RAP1GAP: variants seen among roughly 807,000 people sequenced by gnomAD.
RAP1GAP encodes rap1 GTPase-activating protein 1.
In RAP1GAP, 35 loss-of-function variants were observed where a neutral mutation model predicts 87.2. The ratio of observed to expected loss-of-function variants is 0.40; its 90% CI spans 0.31 to 0.53. The LOEUF (loss-of-function observed/expected upper bound fraction) is 0.53, where lower values mean the gene tolerates loss of function less well. Ranked by LOEUF, RAP1GAP falls within the 20% of genes least tolerant of loss-of-function variation. The pLI is 0.48. For synonymous variants in RAP1GAP, 375 were observed against 363.9 expected, an observed-to-expected ratio of 1.03 and a Z score of -0.35; for missense variants, 734 against 898.9, an observed-to-expected ratio of 0.82 and a Z score of 2.35.
Position 21,645,485 on chromosome 1 carries a change from A to G in RAP1GAP, c.-113+4276T>C, listed in dbSNP as rs527512897. 1.3e-4 allele frequency among the ~76,000 whole-genome samples: 20 copies of G among 152,184 alleles called. 1 individual carries two copies. The South Asian group carries it at 2.9e-3, about 22-fold the overall frequency. On this transcript the variant is annotated intron_variant, in intron 2 of 24. Coordinates refer to ENST00000374765, the MANE Select transcript of RAP1GAP (RefSeq NM_002885.4). ...ACAGAGTGAGACCCTGTCTCAAAAA[A>G]TAAAAATAAAAATAAAAATAAAATA...
At chr1:21,625,688 GT>G (rs1212952819) in intron 3 of RAP1GAP, among the ~76,000 whole-genome samples, 1 of 152,188 alleles carries the variant, frequency 6.6e-6, no homozygotes, top group African/African-American at 2.4e-5. Flanking sequence ...AATATTAGAG[GT>G]TATTTCTGCT....
intron 2 of RAP1GAP, among the ~76,000 whole-genome samples, chr1:21,642,692 C>T (rs2095631467): frequency 6.6e-6 from 1 of 152,112 alleles, no homozygotes; most frequent in Admixed American, 6.5e-5. Context: ...CAGCGTAGCC[C>T]ACAGAAGTCC....
At chr1:21,626,018 G>A (rs1425543805) in intron 3 of RAP1GAP, among the ~76,000 whole-genome samples, 3 of 152,174 alleles carry the variant, frequency 2.0e-5, no homozygotes, top group Non-Finnish European at 2.9e-5. Context: ...GTTGATTGTG[G>A]AGATGATGAA....
chr1:21,664,595 T>C (rs1330310189), intron 1 of RAP1GAP, among the ~76,000 whole-genome samples: 1 of 152,158 alleles, frequency 6.6e-6, no homozygotes, highest in African/African-American at 2.4e-5. Flanking sequence ...ACTAACATTA[T>C]CACTTACTGA....
chr1:21,618,925 T>G, intron 5 of RAP1GAP, 100 bp downstream of exon 5: 1 of 1,348,338 alleles, frequency 7.4e-7, no homozygotes, highest in South Asian at 1.3e-5. Flanking sequence ...GACTACTTGC[T>G]GAAAGGGGAT....
intron 2 of RAP1GAP, among the ~76,000 whole-genome samples, chr1:21,637,168 G>A (rs1439612447): frequency 6.8e-6 from 1 of 146,654 alleles, no homozygotes; most frequent in Non-Finnish European, 1.5e-5. Flanking sequence ...TTTTTTGGTG[G>A]TGGTTGGGGG....
At chr1:21,650,242 CCT>C (rs2151930252) in intron 1 of RAP1GAP, among the ~76,000 whole-genome samples, 1 of 152,206 alleles carries the variant, frequency 6.6e-6, no homozygotes, top group African/African-American at 2.4e-5. Context: ...CCGTAGCCTG[CCT>C]CAATCCTGAA....
rs1173882637 is a variant in RAP1GAP at position 21,634,072 on chromosome 1, GGC to G, written c.-112-7677_-112-7676del. 2.3e-4 allele frequency among the ~76,000 whole-genome samples: 29 copies of G among 126,838 alleles called. No homozygotes were observed. The highest frequency in any genetic ancestry group is 2.7e-4 in the African/African-American group (9 of 32,842). The allele number at this position is 126,838 out of a possible 152,430, so 83.2% of individuals were successfully genotyped here. A position where few individuals can be genotyped will look rare whatever the true frequency, so the allele number is the denominator to read the frequency against. ...CTGCCCCCTCCCGGGGGGGGGGGGG[GGC>G]CACAGAAGCCCATTGTTTTCTGAGC... On this transcript the variant is annotated intron_variant, in intron 2 of 24. Transcript: ENST00000374765. The surrounding 1 kb of genome is among the most constrained non-coding windows in gnomAD (Gnocchi z 4.1).
intron 7 of RAP1GAP, among the ~76,000 whole-genome samples, chr1:21,617,027 A>G (rs1192855206): frequency 6.6e-6 from 1 of 152,260 alleles, no homozygotes; most frequent in Non-Finnish European, 1.5e-5. Context: ...TGTCCTGTGT[A>G]GTGGGTGGCA....
Position 21,613,128 on chromosome 1 carries a change from C to G in RAP1GAP, c.528+48G>C, listed in dbSNP as rs377436647. 4.9e-5 allele frequency: 74 copies of G among 1,511,716 alleles called. No homozygotes were observed. Among genetic ancestry groups the G allele is most frequent in the Middle Eastern group, 1.7e-4 (1 of 5,868 alleles). 93.6% of individuals were successfully genotyped at this position (1,511,716 alleles called of 1,614,324 possible). On this transcript the variant is annotated intron_variant, in intron 10 of 24. Coordinates refer to ENST00000374765, the MANE Select transcript of RAP1GAP (RefSeq NM_002885.4). The surrounding 1 kb of genome is among the most constrained non-coding windows in gnomAD (Gnocchi z 4.7). ...AGGTGCTTAATAAATGCTCAGTCTT[C>G]CAGTTACTCACCCACCCTCAGTGAG...
At chr1:21,644,833 G>A (rs776625976) in intron 2 of RAP1GAP, among the ~76,000 whole-genome samples, 4 of 151,012 alleles carry the variant, frequency 2.6e-5, no homozygotes, top group African/African-American at 9.8e-5. Context: ...CCACGGAGGT[G>A]GAGGTTGCAG....
chr1:21,605,568 G>A (rs1405562791), intron 18 of RAP1GAP, among the ~76,000 whole-genome samples: 2 of 151,846 alleles, frequency 1.3e-5, no homozygotes, highest in Admixed American at 1.3e-4. Flanking sequence ...GGTGCTCACA[G>A]GTACTCAGGG....
chr1:21,664,252 G>A (rs2097262722), intron 1 of RAP1GAP, among the ~76,000 whole-genome samples: 1 of 152,154 alleles, frequency 6.6e-6, no homozygotes, highest in Non-Finnish European at 1.5e-5. Context: ...TTTGCACACT[G>A]GGAGAAAATG....
chr1:21,611,398 G>T lies in RAP1GAP; in HGVS notation c.843+54C>A, dbSNP rs2078189822. 8.9e-6 allele frequency: 14 copies of T among 1,571,324 alleles called. No individual in the cohort carries two copies. The South Asian group carries it at 1.5e-4, about 17-fold the overall frequency. On this transcript the variant is annotated intron_variant, in intron 13 of 24. Transcript: ENST00000374765. Reference sequence around the variant, plus strand: ...GGCGTGATGGAGGCTGAACAGACAGGTGGAGGGGGAGGACAGGTGGAAGAC... The same window carrying T: ...GGCGTGATGGAGGCTGAACAGACAGTTGGAGGGGGAGGACAGGTGGAAGAC...
chr1:21,620,802 G>A (rs922243671), intron 3 of RAP1GAP, among the ~76,000 whole-genome samples: 9 of 152,012 alleles, frequency 5.9e-5, no homozygotes, highest in Admixed American at 6.5e-5. Context: ...CAGCTCAGGC[G>A]GCTCCTGCTG....
chr1:21,666,337 C>G (rs1368514785), intron 1 of RAP1GAP, among the ~76,000 whole-genome samples: 2 of 152,214 alleles, frequency 1.3e-5, no homozygotes, highest in African/African-American at 4.8e-5. Context: ...AAACTGGGGC[C>G]TGGTAATGCC....
At chr1:21,640,674 C>T (rs916945769) in intron 2 of RAP1GAP, among the ~76,000 whole-genome samples, 1 of 152,022 alleles carries the variant, frequency 6.6e-6, no homozygotes, top group African/African-American at 2.4e-5. Flanking sequence ...AGTTCCCTTA[C>T]CCCCGACTAA....
chr1:21,642,714 A>G (rs9426776), intron 2 of RAP1GAP, among the ~76,000 whole-genome samples: 116,110 of 151,968 alleles, frequency 0.76, 44,465 homozygotes, highest in Middle Eastern at 0.82. Flanking sequence ...AGCAGGGCCT[A>G]CAGGGACATG....
At chr1:21,618,818 G>T (rs2084252901) in intron 5 of RAP1GAP, among the ~76,000 whole-genome samples, 1 of 152,076 alleles carries the variant, frequency 6.6e-6, no homozygotes, top group Non-Finnish European at 1.5e-5. Flanking sequence ...GCAAGAGAGG[G>T]GTTCTCCCCA....
Sources: gnomAD v4.1 joint callset for allele counts (sites outside exome capture counted in the v4.1 genomes callset) on GRCh38, gnomAD v4.1.1 for gene constraint, Gnocchi (gnomAD v3.1) non-coding constraint, MANE v1.5 for transcripts, NCBI Gene and HGNC (gene_info 2026-07-23, HGNC 2026-07-21) for gene names.